The following CYP2E1 variants were observed in gnomAD, a reference collection of about 807,000 sequenced individuals.
CYP2E1 encodes cytochrome P450 2E1.
Under a neutral mutation model 42.9 loss-of-function variants are expected in CYP2E1, and 31 were observed. The observed-to-expected ratio is 0.72, with a 90% CI of 0.54 to 0.98. The LOEUF is 0.98. Among genes scored for constraint, CYP2E1 ranks in the 50% least tolerant of loss-of-function variants. The probability of loss-of-function intolerance (pLI) is 0.00; values close to 1 mark genes in which losing one functional copy is unlikely to be tolerated. For missense variants in CYP2E1, 565 were observed against 633.2 expected (o/e 0.89, Z 1.16); for synonymous variants, 244 against 248.9 (o/e 0.98, Z 0.19).
At chr10:133,531,829 G>T (rs953231465) in intron 3 of CYP2E1, 95 bp downstream of exon 3, 110 of 1,290,958 alleles carry the variant, frequency 8.5e-5, no homozygotes, top group Admixed American at 7.7e-5. Context: ...TGAACCACAG[G>T]GACCTACGGA....
intron 2 of CYP2E1, among the ~76,000 whole-genome samples, chr10:133,529,407 C>T (rs1004340175): frequency 2.0e-5 from 3 of 152,212 alleles, no homozygotes; most frequent in African/African-American, 7.2e-5. Context: ...GCTTCTTTCT[C>T]CTTCCTCCCT....
chr10:133,530,549 A>C (rs1044168855), intron 2 of CYP2E1, among the ~76,000 whole-genome samples: 1 of 152,128 alleles, frequency 6.6e-6, no homozygotes, highest in Non-Finnish European at 1.5e-5. Flanking sequence ...ACACACGAGC[A>C]CAGCTTCACC....
chr10:133,527,443 C>T lies in CYP2E1; in HGVS notation c.48C>T (p.Phe16=). 1 of 1,613,530 alleles carries T rather than the reference C, an allele frequency of 6.2e-7. No homozygotes were observed. Among genetic ancestry groups the T allele is most frequent in the Non-Finnish European group, 8.5e-7 (1 of 1,179,882 alleles). ...VTVALLVWAA[F]LLLVSMWRQV... ...TGGCCCTGCTGGTGTGGGCGGCCTTCCTCCTGCTGGTGTCCATGTGGAGGC... is the reference window on the plus strand; with the variant it reads ...TGGCCCTGCTGGTGTGGGCGGCCTTTCTCCTGCTGGTGTCCATGTGGAGGC... The change falls in exon 1 of 9, where the codon TTC becomes TTT. Residue 16 remains phenylalanine, a synonymous_variant. Coordinates refer to ENST00000252945, the MANE Select transcript of CYP2E1 (RefSeq NM_000773.4).
chr10:133,528,651 G>GTCCC lies in CYP2E1; in HGVS notation c.337+13_337+16dup, dbSNP rs1564847112. ...CGCACAGGGACAGGGGTGAGTCCGCGTCCCTGGCACGGAGCGGGGGGTGCA... is the reference window on the plus strand; with the variant it reads ...CGCACAGGGACAGGGGTGAGTCCGCGTCCCTCCCTGGCACGGAGCGGGGGGTGCA... On this transcript the variant is annotated intron_variant, in intron 2 of 8. Coordinates refer to ENST00000252945, the MANE Select transcript of CYP2E1 (RefSeq NM_000773.4). The GTCCC allele has an allele frequency of 1.2e-6, 2 of 1,612,726 alleles. No individual in the cohort carries two copies. The highest frequency in any genetic ancestry group is 2.2e-5 in the South Asian group (2 of 91,062).
intron 6 of CYP2E1, among the ~76,000 whole-genome samples, chr10:133,534,536 C>A (rs1460884145): frequency 2.6e-5 from 4 of 152,166 alleles, no homozygotes; most frequent in Non-Finnish European, 5.9e-5. Flanking sequence ...GCAAACAGGC[C>A]AGTCAGGGTT....
At chr10:133,536,156 G>T (rs1360476323) in intron 6 of CYP2E1, among the ~76,000 whole-genome samples, 1 of 152,146 alleles carries the variant, frequency 6.6e-6, no homozygotes, top group Non-Finnish European at 1.5e-5. Flanking sequence ...CCTCCCAGAA[G>T]AAATTTCCAA....
At chr10:133,529,282 C>T (rs947333528) in intron 2 of CYP2E1, among the ~76,000 whole-genome samples, 5 of 152,244 alleles carry the variant, frequency 3.3e-5, no homozygotes, top group African/African-American at 1.2e-4. Flanking sequence ...GGGTTGCGGT[C>T]TGGAGGTCTG....
At chr10:133,531,092 G>A (rs1851329759) in intron 2 of CYP2E1, among the ~76,000 whole-genome samples, 2 of 152,186 alleles carry the variant, frequency 1.3e-5, no homozygotes, top group South Asian at 4.1e-4. Flanking sequence ...TGACCTGCAA[G>A]ATTTTAGTGA....
chr10:133,534,968 G>C (rs538804344), intron 6 of CYP2E1, among the ~76,000 whole-genome samples: 1 of 151,638 alleles, frequency 6.6e-6, no homozygotes, highest in Non-Finnish European at 1.5e-5. Flanking sequence ...GGGCTCAAGC[G>C]ATCCTCCCAC....
Position 133,538,952 on chromosome 10 carries a change from TCCCC to T in CYP2E1, c.1471_1474del (p.Pro491AlafsTer47). 2 of 1,612,466 alleles carry T rather than the reference TCCCC, an allele frequency of 1.2e-6. No individual in the cohort carries two copies. Among genetic ancestry groups the T allele is most frequent in the East Asian group, 4.5e-5 (2 of 44,814 alleles). On this transcript the variant is annotated frameshift_variant, in exon 9 of 9. Transcript: ENST00000252945. LOFTEE classifies it high-confidence loss of function. Reference sequence around the variant, plus strand: ...CACCACGTTACAAACTCTGTGTCATTCCCCGCTCATGAGTGTGTGGAGGACACCC... The same window carrying T: ...CACCACGTTACAAACTCTGTGTCATTGCTCATGAGTGTGTGGAGGACACCC...
At chr10:133,533,725 C>T (rs1333428629) in intron 5 of CYP2E1, 31 bp from the exon 6 acceptor site, 1 of 1,610,704 alleles carries the variant, frequency 6.2e-7, no homozygotes, top group Non-Finnish European at 8.5e-7. Context: ...CAAGCAGCCC[C>T]TTCTCCTCCG....
In CYP2E1 at chr10:133,533,621, C is replaced by T. The variant is rs1310596792; in HGVS notation, c.826-135C>T. ...GTGGAGATGACTCTGTCTGTCACAG[C>T]TCCAAGTCACAGTTCCACTGGGAGA... On this transcript the variant is annotated intron_variant, in intron 5 of 8. Transcript: ENST00000252945. 3.9e-6 allele frequency: 4 copies of T among 1,016,772 alleles called. No individual in the cohort carries two copies. The African/African-American group carries it at 6.4e-5, about 16-fold the overall frequency. The allele number at this position is 1,016,772 out of a possible 1,614,324, so 63.0% of individuals were successfully genotyped here.
intron 6 of CYP2E1, among the ~76,000 whole-genome samples, chr10:133,534,752 G>A (rs1292650458): frequency 6.6e-6 from 1 of 152,200 alleles, no homozygotes; most frequent in Non-Finnish European, 1.5e-5. Flanking sequence ...GTTCCTGAAA[G>A]CAGGTATTAT....
At chr10:133,527,689 A>T in intron 1 of CYP2E1, 117 bp downstream of exon 1, 3 of 804,056 alleles carry the variant, frequency 3.7e-6, no homozygotes, top group Non-Finnish European at 6.1e-6. Flanking sequence ...GTTGTGAATT[A>T]CCTGAATTGA....
At position 133,537,223 on chromosome 10, in the gene CYP2E1, C is replaced by T; in HGVS notation, c.1128C>T (p.Thr376=). The part of the protein sequence containing the change: ...SNLPHEATRD[T]IFRGYLIPKG... The stretch of plus-strand genomic sequence containing the variant: ...TGCCCCATGAAGCAACCCGAGACAC[C>T]ATTTTCAGAGGATACCTCATCCCCA... The change falls in exon 7 of 9, where the codon ACC becomes ACT. Residue 376 remains threonine (T), a synonymous_variant. Transcript: ENST00000252945. The T allele has an allele frequency of 6.2e-7, 1 of 1,613,992 alleles. No individual in the cohort carries two copies. Among genetic ancestry groups the T allele is most frequent in the Non-Finnish European group, 8.5e-7 (1 of 1,179,924 alleles).
rs2133593314 is a variant in CYP2E1, at chr10:133,528,659, C to T, written c.337+19C>T. On this transcript the variant is annotated intron_variant, in intron 2 of 8. Coordinates refer to ENST00000252945, the MANE Select transcript of CYP2E1 (RefSeq NM_000773.4). ...GACAGGGGTGAGTCCGCGTCCCTGG[C>T]ACGGAGCGGGGGGTGCATAACACGC... The T allele has an allele frequency of 6.2e-7, 1 of 1,612,316 alleles. No homozygotes were observed. The highest frequency in any genetic ancestry group is 2.2e-5 in the East Asian group (1 of 44,844).
chr10:133,538,128 T>C (rs1198976436), intron 8 of CYP2E1, among the ~76,000 whole-genome samples: 2 of 151,396 alleles, frequency 1.3e-5, no homozygotes, highest in Admixed American at 6.6e-5. Context: ...ATTTTTTTTT[T>C]CCCAAAGACT....
Position 133,537,105 on chromosome 10 carries a change from G to C in CYP2E1, c.1010G>C (p.Arg337Pro). 6.2e-7 allele frequency: 1 copy of C among 1,613,920 alleles called. No homozygotes were observed. Reference protein sequence around the residue: ...EEIDRVIGPSRIPAIKDRQEM... With the variant: ...EEIDRVIGPSPIPAIKDRQEM... ...ATTGACAGGGTGATTGGGCCAAGCC[G>C]AATCCCTGCCATCAAGGATAGGCAA... is the stretch of plus-strand genomic sequence containing the variant. Residue 337 changes from arginine to proline, a missense_variant, in exon 7 of 9, where the codon CGA becomes CCA. Coordinates refer to ENST00000252945, the MANE Select transcript of CYP2E1 (RefSeq NM_000773.4).
Position 133,532,189 on chromosome 10 carries a change from T to C in CYP2E1, c.553T>C (p.Phe185Leu), listed in dbSNP as rs1220862293. ...APCNVIADIL[F>L]RKHFDYNDEK... is the part of the protein sequence containing the mutation. ...CTGCAACGTCATAGCCGACATCCTC[T>C]TCCGCAAGCATTTTGACTACAATGA... The change falls in exon 4 of 9, where the codon TTC (phenylalanine) becomes CTC (leucine). Residue 185 changes from phenylalanine (F) to leucine (L), a missense_variant. Coordinates refer to ENST00000252945, the MANE Select transcript of CYP2E1 (RefSeq NM_000773.4). 1 of 1,614,078 alleles carries C rather than the reference T, an allele frequency of 6.2e-7. No homozygotes were observed. Among genetic ancestry groups the C allele is most frequent in the East Asian group, 2.2e-5 (1 of 44,886 alleles).
Sources: gnomAD v4.1 joint callset for allele counts (sites outside exome capture counted in the v4.1 genomes callset) on GRCh38, gnomAD v4.1.1 for gene constraint, MANE v1.5 for transcripts, NCBI Gene and HGNC (gene_info 2026-07-23, HGNC 2026-07-21) for gene names.